ANKEF1: variants seen among roughly 807,000 people sequenced by gnomAD.
The protein encoded by ANKEF1 is ankyrin repeat and EF-hand domain containing 1, also known as ankyrin repeat and EF-hand domain-containing protein 1.
A neutral mutation model predicts 65.1 loss-of-function variants in ANKEF1; 43 were observed. That is an observed-to-expected ratio of 0.66 (90% confidence interval 0.52 to 0.85). The LOEUF (loss-of-function observed/expected upper bound fraction) is 0.85, where lower values mean the gene tolerates loss of function less well. Among genes scored for constraint, ANKEF1 ranks in the 40% least tolerant of loss-of-function variants. The pLI, the probability that ANKEF1 is intolerant of heterozygous loss-of-function variation, is 0.00. For missense variants in ANKEF1, 934 were observed against 952.9 expected (o/e 0.98, Z 0.26); for synonymous variants, 316 against 341.5 (o/e 0.93, Z 0.82).
chr20:10,046,462 T>C (rs1022806608), intron 6 of ANKEF1, among the ~76,000 whole-genome samples: 1 of 152,172 alleles, frequency 6.6e-6, no homozygotes, highest in South Asian at 2.1e-4. Context: ...AAATGAAAAT[T>C]TTCATGGAAA....
Position 10,043,227 on chromosome 20 carries a change from C to T in ANKEF1, c.452C>T (p.Pro151Leu). Residue 151 changes from proline (P) to leucine (L), a missense_variant, in exon 4 of 11, where the codon CCA becomes CTA. Transcript: ENST00000378392. Reference protein sequence around the residue: ...DVNNSTYEGKPIFLRACEDAH... With the variant: ...DVNNSTYEGKLIFLRACEDAH... ...AACAATTCTACCTATGAAGGAAAGC[C>T]AATATTCCTTAGAGCTTGTGAAGAT... The T allele has an allele frequency of 6.2e-7, 1 of 1,614,082 alleles. No homozygotes were observed. Among genetic ancestry groups the T allele is most frequent in the Admixed American group, 1.7e-5 (1 of 60,010 alleles).
At chr20:10,040,671 G>A (rs1984132275) in intron 3 of ANKEF1, 1 of 152,116 alleles carries the variant, frequency 6.6e-6, no homozygotes, top group African/African-American at 2.4e-5. Flanking sequence ...CTATGATAAG[G>A]TACAATATTT....
Position 10,053,295 on chromosome 20 carries a change from A to C in ANKEF1, c.2034+20A>C. ...GAAGAGGTAAGAAAAATGGTTGACT[A>C]CCCATTAGTAACTGGAACTCTTTAA... On this transcript the variant is annotated intron_variant, in intron 9 of 10. Transcript: ENST00000378392. 6.3e-7 allele frequency: 1 copy of C among 1,576,076 alleles called. No homozygotes were observed. The highest frequency in any genetic ancestry group is 8.6e-7 in the Non-Finnish European group (1 of 1,167,974).
intron 4 of ANKEF1, 62 bp from the exon 5 acceptor site, chr20:10,044,332 G>T (rs1984377052): frequency 2.6e-6 from 4 of 1,562,694 alleles, no homozygotes; most frequent in African/African-American, 1.4e-5. Flanking sequence ...TATTTGTACT[G>T]ATTCTGCTAC....
chr20:10,055,810 T>G lies in ANKEF1; in HGVS notation c.*150T>G. On this transcript the variant is annotated 3_prime_UTR_variant, in exon 11 of 11. Coordinates refer to ENST00000378392, the MANE Select transcript of ANKEF1 (RefSeq NM_022096.6). Reference sequence around the variant, plus strand: ...TTTGCTTTAACAACTATAAATATTCTTAGCTGTCTAGAGAAAAGATGTATG... The same window carrying G: ...TTTGCTTTAACAACTATAAATATTCGTAGCTGTCTAGAGAAAAGATGTATG... 1.4e-6 allele frequency: 1 copy of G among 703,208 alleles called. No homozygotes were observed. Among genetic ancestry groups the G allele is most frequent in the East Asian group, 2.7e-5 (1 of 36,996 alleles). The allele number at this position is 703,208 out of a possible 1,614,324, so 43.6% of individuals were successfully genotyped here. A position where few individuals can be genotyped will look rare whatever the true frequency, so the allele number is the denominator to read the frequency against.
rs966526781 is a variant in ANKEF1 at position 10,057,136 on chromosome 20, A to C, written c.*1476A>C. ...CCAGAAGGCACCAATTGCAGATTAC[A>C]GCTCTGTCAGTCACGTATGGATTAA... On this transcript the variant is annotated 3_prime_UTR_variant, in exon 11 of 11. Transcript: ENST00000378392. 6.6e-6 allele frequency: 1 copy of C among 152,226 alleles called. No homozygotes were observed. Among genetic ancestry groups the C allele is most frequent in the African/African-American group, 2.4e-5 (1 of 41,448 alleles). 9.4% of individuals were successfully genotyped at this position (152,226 alleles called of 1,614,324 possible). A position where few individuals can be genotyped will look rare whatever the true frequency, so the allele number is the denominator to read the frequency against.
intron 3 of ANKEF1, among the ~76,000 whole-genome samples, chr20:10,041,522 T>A (rs913792315): frequency 6.6e-6 from 1 of 152,136 alleles, no homozygotes; most frequent in African/African-American, 2.4e-5. Context: ...ACTTAGTTCT[T>A]TCAATGATTC....
At chr20:10,035,445 C>T (rs1191609859) in intron 1 of ANKEF1, 112 bp downstream of exon 1, 1 of 152,232 alleles carries the variant, frequency 6.6e-6, no homozygotes, top group African/African-American at 2.4e-5. Flanking sequence ...AGAGAACCCC[C>T]AACATGTAAA....
Position 10,056,522 on chromosome 20 carries a change from A to ATAGT in ANKEF1, c.*865_*866insTTAG, listed in dbSNP as rs1182614109. 1.3e-5 allele frequency: 2 copies of ATAGT among 151,722 alleles called. No homozygotes were observed. Among genetic ancestry groups the ATAGT allele is most frequent in the Non-Finnish European group, 2.9e-5 (2 of 67,892 alleles). The allele number at this position is 151,722 out of a possible 1,614,324, so 9.4% of individuals were successfully genotyped here. A position where few individuals can be genotyped will look rare whatever the true frequency, so the allele number is the denominator to read the frequency against. ...GATAGATAGATAGATAGATAGATAG[A>ATAGT]TAGATAGATAGATAGAGATTTATTG... On this transcript the variant is annotated 3_prime_UTR_variant, in exon 11 of 11. Coordinates refer to ENST00000378392, the MANE Select transcript of ANKEF1 (RefSeq NM_022096.6).
Position 10,051,837 on chromosome 20 carries a change from A to T in ANKEF1, c.1818A>T (p.Thr606=), listed in dbSNP as rs377717794. The T allele has an allele frequency of 6.2e-6, 10 of 1,613,444 alleles. No homozygotes were observed. The highest frequency in any genetic ancestry group is 8.5e-6 in the Non-Finnish European group (10 of 1,179,804). ...CCATTGAAAGCTGCAGACTGGATAC[A>T]GTAAAATACCTACTTGATATTGGTG... The part of the protein sequence containing the change: ...NRAIESCRLD[T]VKYLLDIGAK... Residue 606 remains threonine, a synonymous_variant, in exon 8 of 11, where the codon ACA becomes ACT. Transcript: ENST00000378392.
At chr20:10,037,552 C>T (rs967335160) in intron 2 of ANKEF1, among the ~76,000 whole-genome samples, 1 of 152,178 alleles carries the variant, frequency 6.6e-6, no homozygotes, top group Non-Finnish European at 1.5e-5. Context: ...CCCATCCAAA[C>T]GACCCGGATA....
chr20:10,044,113 A>T (rs888372509), intron 4 of ANKEF1, among the ~76,000 whole-genome samples: 3 of 151,882 alleles, frequency 2.0e-5, no homozygotes, highest in African/African-American at 7.3e-5. Context: ...CTCCCTTTTT[A>T]TTCTGCTCTA....
In ANKEF1 at chr20:10,057,550, A is replaced by G. The variant is rs1985241484; in HGVS notation, c.*1890A>G. On this transcript the variant is annotated 3_prime_UTR_variant, in exon 11 of 11. Transcript: ENST00000378392. ...TCTCCCTCTACATATATGCATATGT[A>G]TGTTTAATTTTTGTCCCCGAACTAT... 2 of 152,186 alleles carry G rather than the reference A, an allele frequency of 1.3e-5. No individual in the cohort carries two copies. The highest frequency in any genetic ancestry group is 2.1e-4 in the South Asian group (1 of 4,830). 9.4% of individuals were successfully genotyped at this position (152,186 alleles called of 1,614,324 possible).
At chr20:10,053,714 C>CCCTT (rs1273160130) in intron 9 of ANKEF1, among the ~76,000 whole-genome samples, 7 of 152,290 alleles carry the variant, frequency 4.6e-5, no homozygotes, top group Middle Eastern at 3.4e-3. Flanking sequence ...CCACCACTTC[C>CCCTT]CCTTCCTCCC....
Position 10,049,859 on chromosome 20 carries a change from C to T in ANKEF1, c.1290C>T (p.Val430=). 1 of 1,614,158 alleles carries T rather than the reference C, an allele frequency of 6.2e-7. No individual in the cohort carries two copies. Among genetic ancestry groups the T allele is most frequent in the Non-Finnish European group, 8.5e-7 (1 of 1,180,012 alleles). The part of the protein sequence containing the change: ...MGKKGKKGKF[V]LPLPICVIPE... The stretch of plus-strand genomic sequence containing the variant: ...AAAAAGGAAAGAAAGGGAAATTTGT[C>T]TTACCCCTTCCAATCTGTGTCATTC... Residue 430 remains valine (V), a synonymous_variant, in exon 7 of 11, where the codon GTC becomes GTT. Transcript: ENST00000378392.
chr20:10,055,797 A>G lies in ANKEF1; in HGVS notation c.*137A>G. ...CCAAGAATTTCTTTTTGCTTTAACAACTATAAATATTCTTAGCTGTCTAGA... is the reference window on the plus strand; with the variant it reads ...CCAAGAATTTCTTTTTGCTTTAACAGCTATAAATATTCTTAGCTGTCTAGA... On this transcript the variant is annotated 3_prime_UTR_variant, in exon 11 of 11. Transcript: ENST00000378392. 1.3e-6 allele frequency: 1 copy of G among 778,974 alleles called. No homozygotes were observed. Among genetic ancestry groups the G allele is most frequent in the Middle Eastern group, 2.4e-4 (1 of 4,126 alleles). The allele number at this position is 778,974 out of a possible 1,614,324, so 48.3% of individuals were successfully genotyped here.
chr20:10,046,002 G>A (rs1426488174), intron 6 of ANKEF1, among the ~76,000 whole-genome samples: 1 of 152,106 alleles, frequency 6.6e-6, no homozygotes, highest in East Asian at 1.9e-4. Flanking sequence ...GGGGTGTGGT[G>A]GCTCATGCCT....
At position 10,053,225 on chromosome 20, in the gene ANKEF1, A is replaced by G. The variant is rs141799840; in HGVS notation, c.1984A>G (p.Lys662Glu). 5.6e-6 allele frequency: 9 copies of G among 1,613,498 alleles called. No homozygotes were observed. In the African/African-American group the frequency reaches 8.0e-5, roughly 14 times the overall value. Residue 662 changes from lysine (K) to glutamate (E), a missense_variant, in exon 9 of 11, where the codon AAG becomes GAG. Physicochemically the swap from Lys to Glu is moderately conservative, Grantham distance 56. Coordinates refer to ENST00000378392, the MANE Select transcript of ANKEF1 (RefSeq NM_022096.6). ...AGCAGAAAATCAAAAACTAAAAGGC[A>G]AGACACCTCCTATACTGAAGACTGA... ...KPAENQKLKGKTPPILKTEGP... is the reference protein window; with the variant it reads ...KPAENQKLKGETPPILKTEGP...
chr20:10,056,496 T>TGATAGATAGATAGATAGATAGATA lies in ANKEF1; in HGVS notation c.*855_*878dup, dbSNP rs59202797. 4.2e-5 allele frequency: 6 copies of TGATAGATAGATAGATAGATAGATA among 143,714 alleles called. No homozygotes were observed. Among genetic ancestry groups the TGATAGATAGATAGATAGATAGATA allele is most frequent in the South Asian group, 2.4e-4 (1 of 4,242 alleles). The allele number at this position is 143,714 out of a possible 1,614,324, so 8.9% of individuals were successfully genotyped here. A position where few individuals can be genotyped will look rare whatever the true frequency, so the allele number is the denominator to read the frequency against. ...GATAGATGATAGATAGATAGATAGATGATAGATAGATAGATAGATAGATAG... is the reference window on the plus strand; with the variant it reads ...GATAGATGATAGATAGATAGATAGATGATAGATAGATAGATAGATAGATAGATAGATAGATAGATAGATAGATAG... On this transcript the variant is annotated 3_prime_UTR_variant, in exon 11 of 11. Transcript: ENST00000378392.
Sources: allele counts gnomAD v4.1 joint callset (sites outside exome capture counted in the v4.1 genomes callset), GRCh38; gene constraint gnomAD v4.1.1; transcripts MANE v1.5; gene names NCBI Gene and HGNC (gene_info 2026-07-23, HGNC 2026-07-21).